The following GLRA3 variants were observed in gnomAD, a reference collection of about 807,000 sequenced individuals.
The protein encoded by GLRA3 is glycine receptor alpha 3.
A neutral mutation model predicts 60.4 loss-of-function variants in GLRA3; 44 were observed. The ratio of observed to expected loss-of-function variants is 0.73; its 90% CI spans 0.57 to 0.94. The LOEUF (loss-of-function observed/expected upper bound fraction) is 0.94, where lower values mean the gene tolerates loss of function less well. GLRA3 is among the 40% of genes least tolerant of loss of function. The probability of loss-of-function intolerance (pLI) is 0.00; values close to 1 mark genes in which losing one functional copy is unlikely to be tolerated. For missense variants in GLRA3, 508 were observed against 564.6 expected, an observed-to-expected ratio of 0.90 and a Z score of 1.02; for synonymous variants, 223 against 192.9, an observed-to-expected ratio of 1.16 and a Z score of -1.29.
Position 174,759,043 on chromosome 4 carries a change from A to T in GLRA3, c.267+7920T>A, listed in dbSNP as rs111294331. On this transcript the variant is annotated intron_variant, in intron 3 of 9. Coordinates refer to ENST00000274093, the MANE Select transcript of GLRA3 (RefSeq NM_006529.4). ...TTGAATTTTGATAAAGGATATTTAT[A>T]GCAAACTCAAGCAAACACCATATTT... 5.7e-3 allele frequency among the ~76,000 whole-genome samples: 875 copies of T among 152,286 alleles called. 10 individuals carry two copies. Among genetic ancestry groups the T allele is most frequent in the Middle Eastern group, 0.024 (7 of 294 alleles).
At chr4:174,764,734 A>G (rs1041487713) in intron 3 of GLRA3, among the ~76,000 whole-genome samples, 1 of 152,102 alleles carries the variant, frequency 6.6e-6, no homozygotes, top group Non-Finnish European at 1.5e-5. Flanking sequence ...AAATACAACA[A>G]CTTAACCAAG....
At chr4:174,768,465 A>G (rs369346322) in intron 2 of GLRA3, among the ~76,000 whole-genome samples, 6 of 152,286 alleles carry the variant, frequency 3.9e-5, no homozygotes, top group African/African-American at 1.4e-4. Context: ...AGTATTCATC[A>G]TAAATCCAAG....
chr4:174,800,258 C>T (rs1352104241), intron 1 of GLRA3, among the ~76,000 whole-genome samples: 1 of 151,858 alleles, frequency 6.6e-6, no homozygotes, highest in Non-Finnish European at 1.5e-5. Flanking sequence ...ATTATAAGGG[C>T]AGTTGATAGT....
At chr4:174,708,842 A>G (rs1434807346) in intron 5 of GLRA3, among the ~76,000 whole-genome samples, 1 of 151,236 alleles carries the variant, frequency 6.6e-6, no homozygotes, top group Non-Finnish European at 1.5e-5. Flanking sequence ...ATTAAAAAAA[A>G]AAACAGTTAG....
At chr4:174,796,660 C>A (rs138923971) in intron 1 of GLRA3, among the ~76,000 whole-genome samples, 3 of 152,002 alleles carry the variant, frequency 2.0e-5, no homozygotes, top group Non-Finnish European at 2.9e-5. Flanking sequence ...CCTCAGCCCC[C>A]CGAGTAGCTG....
rs996584442 is a variant in GLRA3 at position 174,715,510 on chromosome 4, T to C, written c.552A>G (p.Thr184=). The change falls in exon 5 of 10, where the codon ACA becomes ACG. Residue 184 remains threonine (T), a synonymous_variant. Coordinates refer to ENST00000274093, the MANE Select transcript of GLRA3 (RefSeq NM_006529.4). ...DLKNFPMDVQ[T]CIMQLESFGY... ...TACAGCTTTCCAGTTGCATTATACATGTTTGTACATCCATGGGAAAATTCT... is the reference window on the plus strand; with the variant it reads ...TACAGCTTTCCAGTTGCATTATACACGTTTGTACATCCATGGGAAAATTCT... 7 of 1,546,012 alleles carry C rather than the reference T, an allele frequency of 4.5e-6. No individual in the cohort carries two copies. The African/African-American group carries it at 6.8e-5, about 15-fold the overall frequency.
At chr4:174,730,923 T>C (rs879790553) in intron 3 of GLRA3, among the ~76,000 whole-genome samples, 1 of 152,198 alleles carries the variant, frequency 6.6e-6, no homozygotes, top group Non-Finnish European at 1.5e-5. Flanking sequence ...TTGTGGTCTA[T>C]TGTACTGCAT....
chr4:174,781,352 A>G (rs1253951253), intron 2 of GLRA3, among the ~76,000 whole-genome samples: 1 of 149,368 alleles, frequency 6.7e-6, no homozygotes, highest in East Asian at 1.9e-4. Context: ...AATGCCCACA[A>G]GAGAAAGCAG....
chr4:174,697,991 T>C (rs1472930722), intron 5 of GLRA3, among the ~76,000 whole-genome samples: 1 of 152,156 alleles, frequency 6.6e-6, no homozygotes, highest in Non-Finnish European at 1.5e-5. Context: ...TGAGAAAACA[T>C]TCTGTGTCTG....
At chr4:174,701,802 C>A (rs560322841) in intron 5 of GLRA3, among the ~76,000 whole-genome samples, 1 of 152,230 alleles carries the variant, frequency 6.6e-6, no homozygotes, top group East Asian at 1.9e-4. Flanking sequence ...GTGGCAGAAA[C>A]AGCAAGAGAA....
intron 1 of GLRA3, among the ~76,000 whole-genome samples, chr4:174,793,901 GATTAATTAAGATTAAATCTTA>G (rs1414591688): frequency 4.0e-5 from 6 of 151,680 alleles, no homozygotes; most frequent in Admixed American, 3.3e-4. Context: ...AAAAGACTAA[GATTAATTAAGATTAAATCTTA>G]ATTAATTTTA....
In GLRA3 at chr4:174,644,049, C is replaced by G; in HGVS notation, c.1132G>C (p.Glu378Gln). The G allele has an allele frequency of 1.2e-6, 2 of 1,609,116 alleles. No individual in the cohort carries two copies. Among genetic ancestry groups the G allele is most frequent in the South Asian group, 2.2e-5 (2 of 90,620 alleles). Residue 378 changes from glutamate to glutamine, a missense_variant, in exon 10 of 10, where the codon GAA becomes CAA. Coordinates refer to ENST00000274093, the MANE Select transcript of GLRA3 (RefSeq NM_006529.4). ...RFSDMDDEVR[E>Q]SRFSFTAYGM... ...TAGGCTGTGAAGCTGAATCGGCTTT[C>G]CCTTACCTCATCATCCTGTCAAAGA...
chr4:174,680,158 G>A (rs1561050732), intron 6 of GLRA3, among the ~76,000 whole-genome samples: 1 of 151,974 alleles, frequency 6.6e-6, no homozygotes, highest in Non-Finnish European at 1.5e-5. Context: ...ATTAAAAAAT[G>A]TTTTTATAAT....
chr4:174,810,298 C>A (rs1232756378), intron 1 of GLRA3, among the ~76,000 whole-genome samples: 1 of 152,084 alleles, frequency 6.6e-6, no homozygotes, highest in Non-Finnish European at 1.5e-5. Flanking sequence ...ATATTCACTT[C>A]TCTATTCTGT....
intron 1 of GLRA3, among the ~76,000 whole-genome samples, chr4:174,789,551 C>T (rs753011791): frequency 1.1e-4 from 16 of 152,104 alleles, no homozygotes; most frequent in Non-Finnish European, 2.4e-4. Context: ...TGAGAAATTG[C>T]CATAAATGTA....
At chr4:174,814,889 C>T (rs1740421409) in intron 1 of GLRA3, among the ~76,000 whole-genome samples, 1 of 152,162 alleles carries the variant, frequency 6.6e-6, no homozygotes, top group Admixed American at 6.5e-5. Context: ...CTCATGTCCT[C>T]AGATTTCAAA....
At chr4:174,741,428 T>A (rs1311586755) in intron 3 of GLRA3, among the ~76,000 whole-genome samples, 1 of 152,156 alleles carries the variant, frequency 6.6e-6, no homozygotes, top group African/African-American at 2.4e-5. Flanking sequence ...AAAAGTATTG[T>A]TTTTATTTTA....
chr4:174,652,305 A>G (rs1390524561), intron 9 of GLRA3, among the ~76,000 whole-genome samples: 1 of 152,108 alleles, frequency 6.6e-6, no homozygotes, highest in African/African-American at 2.4e-5. Flanking sequence ...AAAGCAAGGA[A>G]TAAAAAATAA....
intron 3 of GLRA3, among the ~76,000 whole-genome samples, chr4:174,764,085 A>G (rs986228224): frequency 5.9e-5 from 9 of 152,216 alleles, no homozygotes; most frequent in African/African-American, 2.2e-4. Flanking sequence ...AAAGGAGTTT[A>G]ACAGCTAAAA....
Sources: allele counts gnomAD v4.1 joint callset (sites outside exome capture counted in the v4.1 genomes callset), GRCh38; gene constraint gnomAD v4.1.1; transcripts MANE v1.5; gene names NCBI Gene and HGNC (gene_info 2026-07-23, HGNC 2026-07-21).